PCDH11X: variants seen among roughly 807,000 people sequenced by gnomAD.
PCDH11X encodes the protein protocadherin-11 X-linked.
In PCDH11X, 18 loss-of-function variants were observed where a neutral mutation model predicts 53.3. The ratio of observed to expected loss-of-function variants is 0.34; its 90% CI spans 0.23 to 0.50. The LOEUF is 0.50. Ranked by LOEUF, PCDH11X falls within the 20% of genes least tolerant of loss-of-function variation. The pLI is 0.98. For synonymous variants in PCDH11X, 279 were observed against 393.3 expected (o/e 0.71, Z 3.44); for missense variants, 570 against 1,032.4 (o/e 0.55, Z 6.14).
chrX:91,906,804 G>T (rs1023285649), intron 6 of PCDH11X, among the ~76,000 whole-genome samples: 3 of 111,321 alleles, frequency 2.7e-5, no homozygotes, highest in South Asian at 7.6e-4. Context: ...AATTATGGTC[G>T]TATGAACTCT....
chrX:91,800,060 G>T (rs1238908542), intron 1 of PCDH11X, among the ~76,000 whole-genome samples: 1 of 112,566 alleles, frequency 8.9e-6, no homozygotes, highest in Non-Finnish European at 1.9e-5. Context: ...CTGCATTCCA[G>T]CCTGGGCGCC....
chrX:92,061,532 C>T (rs5984862), intron 6 of PCDH11X, among the ~76,000 whole-genome samples: 13,078 of 106,651 alleles, frequency 0.12, 932 homozygotes, highest in East Asian at 0.38. Flanking sequence ...GGTCCAGTTC[C>T]GGCACCATTT....
chrX:91,994,417 C>T (rs2062376443), intron 6 of PCDH11X, among the ~76,000 whole-genome samples: 1 of 109,336 alleles, frequency 9.1e-6, no homozygotes, highest in African/African-American at 3.4e-5. Flanking sequence ...CTTTATGTCT[C>T]TAGATTATTT....
chrX:91,936,658 G>T (rs1320997396), intron 6 of PCDH11X, among the ~76,000 whole-genome samples: 1 of 104,977 alleles, frequency 9.5e-6, no homozygotes, highest in Non-Finnish European at 2.0e-5. Flanking sequence ...GAAGGTGTTT[G>T]TTTATTTGTT....
chrX:92,330,596 TA>T (rs1453150659), intron 8 of PCDH11X, among the ~76,000 whole-genome samples: 1 of 109,805 alleles, frequency 9.1e-6, no homozygotes, highest in Non-Finnish European at 1.9e-5. Flanking sequence ...GAAATGAAAC[TA>T]AAAAGACTTG....
At chrX:91,945,464 AT>A (rs2061562870) in intron 6 of PCDH11X, among the ~76,000 whole-genome samples, 1 of 100,835 alleles carries the variant, frequency 9.9e-6, no homozygotes, top group South Asian at 5.0e-4. Flanking sequence ...GGCCTCTTTT[AT>A]CCCAAAATGC....
chrX:91,919,623 A>T (rs1407924803), intron 6 of PCDH11X, among the ~76,000 whole-genome samples: 10 of 111,421 alleles, frequency 9.0e-5, no homozygotes, highest in Non-Finnish European at 5.7e-5. Context: ...ACGGGGAAAA[A>T]GAGAACCTTA....
At position 92,374,723 on chromosome X, in the gene PCDH11X, TA is replaced by T. The variant is rs762323631; in HGVS notation, c.3145-13010del. Among the ~76,000 whole-genome samples the T allele has an allele frequency of 7.2e-5, 8 of 111,353 alleles. No individual in the cohort carries two copies. In the South Asian group the frequency reaches 2.6e-3, roughly 36 times the overall value. On this transcript the variant is annotated intron_variant, in intron 8 of 10. Coordinates refer to ENST00000682573, the MANE Select transcript of PCDH11X (RefSeq NM_032968.5). ...GGATCTGAGATGTGTTCAAGTGTAATAAGCAACATTTAACAAATGTTACACT... is the reference window on the plus strand; with the variant it reads ...GGATCTGAGATGTGTTCAAGTGTAATAGCAACATTTAACAAATGTTACACT...
chrX:92,051,480 T>C (rs1216364715), intron 6 of PCDH11X, among the ~76,000 whole-genome samples: 6 of 111,784 alleles, frequency 5.4e-5, no homozygotes, highest in African/African-American at 1.9e-4. Flanking sequence ...AATTAGGTGT[T>C]TACTATTTAT....
intron 8 of PCDH11X, among the ~76,000 whole-genome samples, chrX:92,279,552 A>G (rs2068199790): frequency 8.9e-6 from 1 of 112,574 alleles, no homozygotes; most frequent in African/African-American, 3.2e-5. Flanking sequence ...TAACTCCAGA[A>G]TAGTTTTGTA....
In PCDH11X at chrX:91,878,662, A is replaced by G. The variant is rs1275792428; in HGVS notation, c.2422A>G (p.Ser808Gly). 8.3e-6 allele frequency: 10 copies of G among 1,210,757 alleles called. No homozygotes were observed. Among genetic ancestry groups the G allele is most frequent in the South Asian group, 1.8e-5 (1 of 56,893 alleles). Residue 808 changes from serine (S) to glycine (G), a missense_variant, in exon 6 of 11, where the codon AGT becomes GGT. Physicochemically the swap from Ser to Gly is moderately conservative, Grantham distance 56. Coordinates refer to ENST00000682573, the MANE Select transcript of PCDH11X (RefSeq NM_032968.5). ...GATAGCTGATGTATCCTCACCAACT[A>G]GTGACTATGTCAAGATCCTGGTTGC... ...TEIADVSSPTSDYVKILVAAV... is the reference protein window; with the variant it reads ...TEIADVSSPTGDYVKILVAAV...
intron 10 of PCDH11X, among the ~76,000 whole-genome samples, chrX:92,519,266 G>A (rs977016527): frequency 3.7e-5 from 4 of 107,048 alleles, no homozygotes; most frequent in Admixed American, 2.0e-4. Flanking sequence ...GGAATTGGGT[G>A]TTATCTCATT....
At chrX:92,212,134 C>T (rs764151606) in intron 7 of PCDH11X, among the ~76,000 whole-genome samples, 5 of 107,249 alleles carry the variant, frequency 4.7e-5, no homozygotes, top group Admixed American at 3.0e-4. Flanking sequence ...ACATTAGCCT[C>T]CCAAGTAGCT....
chrX:92,280,454 G>C (rs1193506023), intron 8 of PCDH11X, among the ~76,000 whole-genome samples: 4 of 109,229 alleles, frequency 3.7e-5, no homozygotes, highest in Non-Finnish European at 7.6e-5. Context: ...AGGCTGTGGT[G>C]GAGGTTGCAG....
intron 6 of PCDH11X, among the ~76,000 whole-genome samples, chrX:92,083,866 G>C (rs2063902659): frequency 9.0e-6 from 1 of 111,254 alleles, no homozygotes; most frequent in African/African-American, 3.3e-5. Context: ...TGAGGAGGGA[G>C]AATCATGAGG....
intron 6 of PCDH11X, among the ~76,000 whole-genome samples, chrX:91,982,435 T>TC (rs2062154734): frequency 1.8e-5 from 2 of 109,807 alleles, no homozygotes; most frequent in Admixed American, 2.0e-4. Flanking sequence ...GCTGCCAAGT[T>TC]CCCCCAAGTC....
chrX:92,114,501 G>GT (rs1191262596), intron 6 of PCDH11X: 1 of 479,874 alleles, frequency 2.1e-6, no homozygotes, highest in Non-Finnish European at 3.6e-6. Context: ...TTTCTATATT[G>GT]TGGCTTTGAT....
At chrX:91,973,433 T>G (rs1256591968) in intron 6 of PCDH11X, among the ~76,000 whole-genome samples, 1 of 89,506 alleles carries the variant, frequency 1.1e-5, no homozygotes, top group South Asian at 5.7e-4. Context: ...AAACTTAAAG[T>G]ATAATAAAAA....
intron 10 of PCDH11X, among the ~76,000 whole-genome samples, chrX:92,552,755 A>T (rs2148752339): frequency 9.0e-6 from 1 of 110,651 alleles, no homozygotes; most frequent in African/African-American, 3.3e-5. Context: ...GGAATGCTAA[A>T]TTTTTTCATA....
Sources: allele counts gnomAD v4.1 joint callset (sites outside exome capture counted in the v4.1 genomes callset), GRCh38; gene constraint gnomAD v4.1.1; transcripts MANE v1.5; gene names NCBI Gene and HGNC (gene_info 2026-07-23, HGNC 2026-07-21).